MSRA: variants seen among roughly 807,000 people sequenced by gnomAD.
MSRA encodes methionine sulfoxide reductase A, also known as mitochondrial peptide methionine sulfoxide reductase.
In MSRA, 54 loss-of-function variants were observed where a neutral mutation model predicts 31.3. The observed-to-expected ratio is 1.73, with a 90% CI of 1.39 to 2.17. MSRA has a LOEUF of 2.17. Ranked by LOEUF, MSRA falls within the 30% of genes most tolerant of loss-of-function variation. The probability of loss-of-function intolerance (pLI) is 0.00; values close to 1 mark genes in which losing one functional copy is unlikely to be tolerated. For missense variants in MSRA, 507 were observed against 300.9 expected (o/e 1.69, Z -5.07); for synonymous variants, 169 against 116.5 (o/e 1.45, Z -2.90).
chr8:10,160,351 C>T (rs1195708346), intron 1 of MSRA, among the ~76,000 whole-genome samples: 1 of 151,952 alleles, frequency 6.6e-6, no homozygotes, highest in Non-Finnish European at 1.5e-5. Context: ...AAAAATTAGC[C>T]AGGCGTGGTG....
intron 1 of MSRA, among the ~76,000 whole-genome samples, chr8:10,184,218 C>T (rs1037563471): frequency 3.3e-5 from 5 of 150,374 alleles, no homozygotes; most frequent in East Asian, 2.0e-4. Context: ...TGGTGGTGGT[C>T]GGGATGGAAG....
intron 1 of MSRA, among the ~76,000 whole-genome samples, chr8:10,176,371 G>A (rs1052315992): frequency 1.3e-5 from 2 of 152,206 alleles, no homozygotes; most frequent in Non-Finnish European, 2.9e-5. Context: ...AAGAAGAATA[G>A]GGCTTAGTTC....
chr8:10,157,816 C>T (rs1028875577), intron 1 of MSRA, among the ~76,000 whole-genome samples: 4 of 152,078 alleles, frequency 2.6e-5, no homozygotes, highest in Non-Finnish European at 5.9e-5. Flanking sequence ...CTGTCTCTCT[C>T]TTCCCTTCCC....
intron 5 of MSRA, among the ~76,000 whole-genome samples, chr8:10,379,272 A>T (rs990781758): frequency 3.9e-5 from 6 of 152,090 alleles, no homozygotes; most frequent in African/African-American, 1.4e-4. Context: ...GTAAGCCCTC[A>T]ACATGAAGTG....
intron 2 of MSRA, among the ~76,000 whole-genome samples, chr8:10,240,284 T>C (rs1812295171): frequency 1.3e-5 from 2 of 152,134 alleles, no homozygotes; most frequent in South Asian, 4.2e-4. Context: ...TTGCTGGCCA[T>C]TTGGACATTT....
At chr8:10,149,246 C>G (rs1014307587) in intron 1 of MSRA, among the ~76,000 whole-genome samples, 5 of 152,084 alleles carry the variant, frequency 3.3e-5, no homozygotes, top group African/African-American at 1.2e-4. Flanking sequence ...CTCAGCCTCC[C>G]AAGTATCTGG....
At chr8:10,354,555 T>A (rs986246395) in intron 5 of MSRA, among the ~76,000 whole-genome samples, 1 of 152,166 alleles carries the variant, frequency 6.6e-6, no homozygotes, top group Non-Finnish European at 1.5e-5. Flanking sequence ...TATTCCTTTC[T>A]CTATGGGAAT....
At chr8:10,061,482 C>G (rs372884138) in intron 1 of MSRA, among the ~76,000 whole-genome samples, 6 of 152,118 alleles carry the variant, frequency 3.9e-5, no homozygotes, top group African/African-American at 1.4e-4. Flanking sequence ...TGAATCCTTT[C>G]TATGGCATCT....
chr8:10,296,378 T>G (rs535187454), intron 3 of MSRA, among the ~76,000 whole-genome samples: 103 of 152,338 alleles, frequency 6.8e-4, no homozygotes, highest in Non-Finnish European at 8.5e-4. Context: ...CTCGTGTTTG[T>G]GTATGGAGAG....
intron 1 of MSRA, among the ~76,000 whole-genome samples, chr8:10,146,042 C>T (rs552856945): frequency 1.3e-5 from 2 of 152,310 alleles, no homozygotes; most frequent in African/African-American, 4.8e-5. Context: ...TCAGTACCTA[C>T]TACATGCAAA....
chr8:10,307,803 A>G (rs7000584), intron 4 of MSRA, among the ~76,000 whole-genome samples: 149,531 of 152,266 alleles, frequency 0.98, 73,484 homozygotes, highest in Middle Eastern at 1. Context: ...AGTGCTGGTT[A>G]ACCCCAATAT....
rs574281418 is a variant in MSRA, at chr8:10,128,301, C to T, written c.142+73643C>T. ...GGCTGAAGCAGGAGAATCACTTGAA[C>T]CTGGGAGGCGGAGGTTGCCCTGAGC... is the stretch of plus-strand genomic sequence containing the variant. On this transcript the variant is annotated intron_variant, in intron 1 of 5. Coordinates refer to ENST00000317173, the MANE Select transcript of MSRA (RefSeq NM_012331.5). 3.7e-4 allele frequency among the ~76,000 whole-genome samples: 57 copies of T among 152,082 alleles called. 1 individual carries two copies. Among genetic ancestry groups the T allele is most frequent in the African/African-American group, 1.3e-3 (54 of 41,468 alleles).
intron 5 of MSRA, among the ~76,000 whole-genome samples, chr8:10,372,363 C>G (rs934541867): frequency 6.6e-6 from 1 of 152,202 alleles, no homozygotes; most frequent in Non-Finnish European, 1.5e-5. Context: ...TCAGAATGCT[C>G]ACAAATAAGA....
chr8:10,286,429 C>T lies in MSRA; in HGVS notation c.332-15105C>T, dbSNP rs188340302. ...AAGCACTCCTCTCTTTGCCTGCTGCCGCCGCCATCCATGTAAGATGTGACT... is the reference window on the plus strand; with the variant it reads ...AAGCACTCCTCTCTTTGCCTGCTGCTGCCGCCATCCATGTAAGATGTGACT... On this transcript the variant is annotated intron_variant, in intron 3 of 5. Transcript: ENST00000317173. Among the ~76,000 whole-genome samples the T allele has an allele frequency of 2.4e-3, 370 of 152,266 alleles. 4 individuals carry two copies. The highest frequency in any genetic ancestry group is 8.3e-3 in the African/African-American group (343 of 41,554).
At chr8:10,136,202 G>C (rs1045607058) in intron 1 of MSRA, among the ~76,000 whole-genome samples, 2 of 152,226 alleles carry the variant, frequency 1.3e-5, no homozygotes, top group Non-Finnish European at 2.9e-5. Flanking sequence ...GCAGAGAGGA[G>C]CTCTGCGGTG....
chr8:10,101,546 C>T (rs989113118), intron 1 of MSRA, among the ~76,000 whole-genome samples: 1 of 152,166 alleles, frequency 6.6e-6, no homozygotes, highest in East Asian at 1.9e-4. Context: ...CTTCCCCAAA[C>T]CCCGCAACAG....
intron 5 of MSRA, among the ~76,000 whole-genome samples, chr8:10,386,817 C>T (rs558314795): frequency 1.3e-4 from 19 of 149,204 alleles, no homozygotes; most frequent in African/African-American, 3.2e-4. Context: ...ATTCCTCCTC[C>T]GGGAAAAATG....
chr8:10,409,051 T>C (rs532290504), intron 5 of MSRA, among the ~76,000 whole-genome samples: 2 of 152,364 alleles, frequency 1.3e-5, no homozygotes, highest in South Asian at 2.1e-4. Context: ...GTCTTTTTCA[T>C]GTAATGATTT....
intron 5 of MSRA, 36 bp from the exon 6 acceptor site, chr8:10,428,112 C>T: frequency 2.5e-6 from 4 of 1,597,588 alleles, no homozygotes; most frequent in Non-Finnish European, 3.4e-6. Flanking sequence ...GTCTCTCTAG[C>T]ATGGGAGCTG....
Sources: gnomAD v4.1 joint callset for allele counts (sites outside exome capture counted in the v4.1 genomes callset) on GRCh38, gnomAD v4.1.1 for gene constraint, MANE v1.5 for transcripts, NCBI Gene and HGNC (gene_info 2026-07-23, HGNC 2026-07-21) for gene names.